DNAH11: variants seen among roughly 807,000 people sequenced by gnomAD.
DNAH11 encodes the protein axonemal beta dynein heavy chain 11.
DNAH11 carries 442 observed loss-of-function variants against 526.0 expected under a neutral mutation model. The observed-to-expected ratio is 0.84, with a 90% CI of 0.78 to 0.91. The LOEUF (loss-of-function observed/expected upper bound fraction) is 0.91, where lower values mean the gene tolerates loss of function less well. Ranked by LOEUF, DNAH11 falls within the 40% of genes least tolerant of loss-of-function variation. DNAH11 has a pLI of 0.00. For missense variants in DNAH11, 6,989 were observed against 5,448.7 expected (o/e 1.28, Z -8.90); for synonymous variants, 2,461 against 1,935.9 (o/e 1.27, Z -7.12).
At chr7:21,545,608 A>G (rs991499280) in intron 2 of DNAH11, among the ~76,000 whole-genome samples, 2 of 152,230 alleles carry the variant, frequency 1.3e-5, no homozygotes, top group East Asian at 1.9e-4. Context: ...CACTCATGGC[A>G]GATAATGGGA....
chr7:21,656,034 C>A, intron 29 of DNAH11, 53 bp downstream of exon 29: 1 of 1,488,328 alleles, frequency 6.7e-7, no homozygotes, highest in Non-Finnish European at 8.9e-7. Flanking sequence ...TCAGCATGCT[C>A]TTAGAAGGTT....
At position 21,866,577 on chromosome 7, in the gene DNAH11, A is replaced by T. The variant is rs753379503; in HGVS notation, c.11604A>T (p.Leu3868Phe). ...CCGAGTGTCCAGAAAAAGAAAAATT[A>T]CCTCAAGAATGGAAGAAGAAAAGTT... The part of the protein sequence containing the change: ...VESECPEKEK[L>F]PQEWKKKSLI... The change falls in exon 71 of 82, where the codon TTA (leucine) becomes TTT (phenylalanine). Residue 3868 changes from leucine to phenylalanine, a missense_variant. Coordinates refer to ENST00000409508, the MANE Select transcript of DNAH11 (RefSeq NM_001277115.2). 1 of 1,613,970 alleles carries T rather than the reference A, an allele frequency of 6.2e-7. No homozygotes were observed. The highest frequency in any genetic ancestry group is 2.2e-5 in the East Asian group (1 of 44,878).
In DNAH11 at chr7:21,707,706, G is replaced by A; in HGVS notation, c.6554G>A (p.Arg2185Lys). ...TTTCCTCCTTCCCCTCAGATTTTGA[G>A]AACACTGAACCGAACATATGTTAAC... ...NAGTGKSKIL[R>K]TLNRTYVNMK... Residue 2185 changes from arginine to lysine, a missense_variant, in exon 40 of 82, where the codon AGA becomes AAA. Transcript: ENST00000409508. The A allele has an allele frequency of 1.2e-6, 2 of 1,608,934 alleles. No homozygotes were observed. Among genetic ancestry groups the A allele is most frequent in the Non-Finnish European group, 1.7e-6 (2 of 1,177,904 alleles).
At chr7:21,630,832 T>G (rs1786568799) in intron 25 of DNAH11, among the ~76,000 whole-genome samples, 1 of 152,248 alleles carries the variant, frequency 6.6e-6, no homozygotes. Flanking sequence ...TGGTGTTCTC[T>G]GACCTTTTTG....
At chr7:21,569,944 C>T (rs767989170) in intron 6 of DNAH11, 125 bp from the exon 7 acceptor site, 8 of 717,084 alleles carry the variant, frequency 1.1e-5, no homozygotes, top group Non-Finnish European at 1.6e-5. Context: ...TGCTTTCTTT[C>T]TTTCAGCATT....
chr7:21,855,231 C>T (rs776570834), intron 68 of DNAH11, among the ~76,000 whole-genome samples: 26 of 151,998 alleles, frequency 1.7e-4, no homozygotes, highest in Non-Finnish European at 3.2e-4. Flanking sequence ...TGGGGTTTCA[C>T]CGTGTTAGCC....
chr7:21,632,616 A>G (rs1432213676), intron 25 of DNAH11, among the ~76,000 whole-genome samples: 1 of 152,172 alleles, frequency 6.6e-6, no homozygotes, highest in Non-Finnish European at 1.5e-5. Flanking sequence ...GCTAAAACAT[A>G]ACAAGAGTCA....
Position 21,605,855 on chromosome 7 carries a change from C to T in DNAH11, c.3649-571C>T, listed in dbSNP as rs369852757. Among the ~76,000 whole-genome samples the T allele has an allele frequency of 9.2e-5, 14 of 152,272 alleles. 1 individual carries two copies. In the East Asian group the frequency reaches 1.5e-3, roughly 17 times the overall value. ...ATTTGTGTTTATTTTAAAAAGATTT[C>T]CATGGATTCTGAGATGAGAACAATT... is the stretch of plus-strand genomic sequence containing the variant. On this transcript the variant is annotated intron_variant, in intron 18 of 81. Transcript: ENST00000409508.
At chr7:21,578,606 C>A (rs1420828529) in intron 8 of DNAH11, among the ~76,000 whole-genome samples, 1 of 152,276 alleles carries the variant, frequency 6.6e-6, no homozygotes, top group Non-Finnish European at 1.5e-5. Context: ...TAGGTAGTAC[C>A]CCAGTGGGGA....
chr7:21,762,232 C>G (rs891849639), intron 54 of DNAH11, among the ~76,000 whole-genome samples: 4 of 152,066 alleles, frequency 2.6e-5, no homozygotes, highest in African/African-American at 9.7e-5. Flanking sequence ...ATAATGAGGC[C>G]TTATCACTCA....
At chr7:21,831,990 T>G (rs1295642515) in intron 65 of DNAH11, among the ~76,000 whole-genome samples, 2 of 151,904 alleles carry the variant, frequency 1.3e-5, no homozygotes, top group African/African-American at 4.8e-5. Context: ...CTCGGGAGGC[T>G]GAGACAGGAG....
intron 1 of DNAH11, 142 bp from the exon 2 acceptor site, chr7:21,544,864 C>A (rs1404365136): frequency 3.3e-6 from 2 of 604,844 alleles, no homozygotes; most frequent in Non-Finnish European, 5.6e-6. Flanking sequence ...TAGGGAAGAG[C>A]CGTAGAAGGA....
At chr7:21,812,587 G>C (rs570677600) in intron 63 of DNAH11, among the ~76,000 whole-genome samples, 1 of 152,124 alleles carries the variant, frequency 6.6e-6, no homozygotes, top group Non-Finnish European at 1.5e-5. Context: ...TCAGGAGTTA[G>C]AGGTTACAGC....
chr7:21,619,536 ATC>A (rs1236201249), intron 24 of DNAH11, among the ~76,000 whole-genome samples: 3 of 152,222 alleles, frequency 2.0e-5, no homozygotes, highest in Non-Finnish European at 2.9e-5. Flanking sequence ...AAGTAATAGT[ATC>A]TCTATTTTAC....
chr7:21,831,813 AG>A (rs1272923025), intron 65 of DNAH11, among the ~76,000 whole-genome samples: 2 of 152,198 alleles, frequency 1.3e-5, no homozygotes, highest in Non-Finnish European at 2.9e-5. Context: ...TCTGTTGGCC[AG>A]GCGCAGTGGC....
intron 36 of DNAH11, among the ~76,000 whole-genome samples, chr7:21,700,030 A>C (rs74298644): frequency 1.3e-5 from 2 of 152,184 alleles, no homozygotes; most frequent in African/African-American, 4.8e-5. Context: ...AATGAGTACT[A>C]TGTGTTATGT....
chr7:21,631,314 C>T (rs772063074), intron 25 of DNAH11, among the ~76,000 whole-genome samples: 2 of 152,108 alleles, frequency 1.3e-5, no homozygotes, highest in Non-Finnish European at 2.9e-5. Flanking sequence ...ATCATTCCAC[C>T]CCTGGTCCCT....
Position 21,545,158 on chromosome 7 carries a change from C to A in DNAH11, c.495+9C>A. On this transcript the variant is annotated intron_variant, in intron 2 of 81. Transcript: ENST00000409508. Reference sequence around the variant, plus strand: ...CTGCTTTCCTTGATGAGGTACTGGTCTGTCTTTAATATTTAAAGCTTTCAC... The same window carrying A: ...CTGCTTTCCTTGATGAGGTACTGGTATGTCTTTAATATTTAAAGCTTTCAC... 1 of 1,596,334 alleles carries A rather than the reference C, an allele frequency of 6.3e-7. No individual in the cohort carries two copies. The highest frequency in any genetic ancestry group is 1.1e-5 in the South Asian group (1 of 88,554).
At chr7:21,655,711 A>C in intron 28 of DNAH11, 121 bp from the exon 29 acceptor site, 1 of 1,037,512 alleles carries the variant, frequency 9.6e-7, no homozygotes, top group Non-Finnish European at 1.3e-6. Context: ...TTTGAGGGAA[A>C]ACATTTTGAG....
Sources: gnomAD v4.1 joint callset for allele counts (sites outside exome capture counted in the v4.1 genomes callset) on GRCh38, gnomAD v4.1.1 for gene constraint, MANE v1.5 for transcripts, NCBI Gene and HGNC (gene_info 2026-07-23, HGNC 2026-07-21) for gene names.